ETV4: variants seen among roughly 807,000 people sequenced by gnomAD.
The protein encoded by ETV4 is ETS translocation variant 4.
ETV4 carries 42 observed loss-of-function variants against 65.9 expected under a neutral mutation model. The observed-to-expected ratio is 0.64, with a 90% confidence interval of 0.50 to 0.82. The LOEUF is 0.82. Ranked by LOEUF, ETV4 falls within the 40% of genes least tolerant of loss-of-function variation. The pLI is 0.00. For missense variants in ETV4, 583 were observed against 630.3 expected (o/e 0.92, Z 0.80); for synonymous variants, 238 against 260.0 (o/e 0.92, Z 0.81).
chr17:43,539,552 C>T (rs1465956174), intron 4 of ETV4, among the ~76,000 whole-genome samples: 1 of 152,188 alleles, frequency 6.6e-6, no homozygotes, highest in Non-Finnish European at 1.5e-5. Flanking sequence ...TCTTTTTTGT[C>T]ATCTGATGCC....
At position 43,532,930 on chromosome 17, in the gene ETV4, G is replaced by C; in HGVS notation, c.555C>G (p.Phe185Leu). The change falls in exon 8 of 13, where the codon TTC becomes TTG. Residue 185 changes from phenylalanine to leucine, a missense_variant. By Grantham distance (22) the Phe-to-Leu change is conservative. Transcript: ENST00000319349. The part of the protein sequence containing the change: ...HGYLGEHSSV[F>L]QQPLDICHSF... ...AGTGGCAAATGTCCAGGGGCTGCTG[G>C]AAGACGGAGCTGGATGTGGTTGGAT... 1 of 1,571,014 alleles carries C rather than the reference G, an allele frequency of 6.4e-7. No individual in the cohort carries two copies. The highest frequency in any genetic ancestry group is 8.6e-7 in the Non-Finnish European group (1 of 1,157,906).
intron 5 of ETV4, among the ~76,000 whole-genome samples, chr17:43,535,976 T>C (rs1971222104): frequency 6.6e-6 from 1 of 152,102 alleles, no homozygotes; most frequent in Non-Finnish European, 1.5e-5. Flanking sequence ...CTGGGTGTGG[T>C]TGTGCATGCC....
intron 5 of ETV4, among the ~76,000 whole-genome samples, chr17:43,534,218 A>G (rs1971113160): frequency 1.3e-5 from 2 of 152,314 alleles, no homozygotes; most frequent in East Asian, 3.9e-4. Context: ...TAAACCATCT[A>G]AAGTTCAACA....
At chr17:43,542,280 G>A (rs773580912) in intron 4 of ETV4, among the ~76,000 whole-genome samples, 13 of 152,058 alleles carry the variant, frequency 8.5e-5, no homozygotes, top group Non-Finnish European at 1.5e-4. Context: ...CAGTATCAGA[G>A]GGATCAAGGA....
intron 4 of ETV4, among the ~76,000 whole-genome samples, chr17:43,542,122 G>T (rs1383639978): frequency 1.3e-5 from 2 of 152,180 alleles, no homozygotes; most frequent in Non-Finnish European, 2.9e-5. Context: ...GGAGCCCTTG[G>T]AGGAGGGTTG....
intron 9 of ETV4, 62 bp from the exon 10 acceptor site, chr17:43,530,014 C>T (rs1422211357): frequency 6.2e-6 from 10 of 1,611,140 alleles, no homozygotes; most frequent in African/African-American, 1.3e-5. Flanking sequence ...CCCAGAGAGT[C>T]CAGAGGGACT....
At chr17:43,542,431 G>T (rs115314157) in intron 4 of ETV4, among the ~76,000 whole-genome samples, 3 of 152,206 alleles carry the variant, frequency 2.0e-5, no homozygotes, top group African/African-American at 7.2e-5. Context: ...CTCCTGACAA[G>T]CCTGGAAAGG....
intron 8 of ETV4, 178 bp from the exon 9 acceptor site, chr17:43,530,359 G>A: frequency 1.4e-6 from 2 of 1,459,534 alleles, no homozygotes; most frequent in Non-Finnish European, 1.8e-6. Context: ...CCCAGAGGGA[G>A]TGTGATGCTG....
chr17:43,542,585 C>A (rs1197697537), intron 4 of ETV4, among the ~76,000 whole-genome samples: 1 of 152,134 alleles, frequency 6.6e-6, no homozygotes, highest in Admixed American at 6.5e-5. Flanking sequence ...ATCAGACACG[C>A]CCTCCTAGCC....
chr17:43,541,353 C>T (rs1162988092), intron 4 of ETV4, among the ~76,000 whole-genome samples: 1 of 152,210 alleles, frequency 6.6e-6, no homozygotes, highest in East Asian at 1.9e-4. Flanking sequence ...GTTAACTTGG[C>T]TGAGTCTTGG....
At chr17:43,530,240 G>A in intron 8 of ETV4, 59 bp from the exon 9 acceptor site, 1 of 1,550,910 alleles carries the variant, frequency 6.4e-7, no homozygotes, top group Non-Finnish European at 8.7e-7. Context: ...GAGGGCAGGG[G>A]AGGAGGAAGT....
At chr17:43,543,276 ACT>A (rs60214474) in intron 4 of ETV4, among the ~76,000 whole-genome samples, 58 of 138,152 alleles carry the variant, frequency 4.2e-4, no homozygotes, top group South Asian at 7.3e-4. Context: ...ACACACACAC[ACT>A]CTCTCTCTCT....
chr17:43,543,276 A>ACACTCTCT (rs1555559953), intron 4 of ETV4, among the ~76,000 whole-genome samples: 10 of 138,258 alleles, frequency 7.2e-5, no homozygotes, highest in South Asian at 2.4e-4. Context: ...ACACACACAC[A>ACACTCTCT]CTCTCTCTCT....
At position 43,532,951 on chromosome 17, in the gene ETV4, T is replaced by C; in HGVS notation, c.546-12A>G. 1 of 1,553,224 alleles carries C rather than the reference T, an allele frequency of 6.4e-7. No individual in the cohort carries two copies. The highest frequency in any genetic ancestry group is 8.7e-7 in the Non-Finnish European group (1 of 1,149,974). On this transcript the variant is annotated splice_polypyrimidine_tract_variant and intron_variant, in intron 7 of 12. Coordinates refer to ENST00000319349, the MANE Select transcript of ETV4 (RefSeq NM_001079675.5). The stretch of plus-strand genomic sequence containing the variant: ...GCTGGAAGACGGAGCTGGATGTGGT[T>C]GGATGGAGAAGGAAGAGAAGAGAAC...
At chr17:43,541,788 C>A (rs1971537332) in intron 4 of ETV4, among the ~76,000 whole-genome samples, 1 of 152,132 alleles carries the variant, frequency 6.6e-6, no homozygotes, top group African/African-American at 2.4e-5. Flanking sequence ...TGGAAGGAAC[C>A]AGTTCACTAG....
intron 4 of ETV4, among the ~76,000 whole-genome samples, chr17:43,543,699 A>C (rs376989925): frequency 2.0e-5 from 3 of 152,330 alleles, no homozygotes; most frequent in Admixed American, 6.5e-5. Context: ...GGAGCTGGGC[A>C]TGCAGGACTT....
intron 4 of ETV4, among the ~76,000 whole-genome samples, chr17:43,537,180 AC>A (rs1261310694): frequency 6.6e-6 from 1 of 152,144 alleles, no homozygotes; most frequent in Non-Finnish European, 1.5e-5. Flanking sequence ...AGCCTGGCCA[AC>A]ATGACGAAAC....
intron 1 of ETV4, 140 bp from the exon 2 acceptor site, chr17:43,545,808 A>AG (rs1355076648): frequency 1.6e-6 from 1 of 608,482 alleles, no homozygotes; most frequent in Non-Finnish European, 2.9e-6. Context: ...TCCGCCTGCC[A>AG]GGCCGAGCGC....
In ETV4 at chr17:43,536,976, G is replaced by A. The variant is rs371442036; in HGVS notation, c.203-497C>T. On this transcript the variant is annotated intron_variant, in intron 4 of 12. Transcript: ENST00000319349. ...CATTTTTCTGAAGTGAAACAGCCTC[G>A]CCCCTCAGAGTTTACAAAACTCCCT... 6.6e-5 allele frequency among the ~76,000 whole-genome samples: 10 copies of A among 152,192 alleles called. No individual in the cohort carries two copies. In the East Asian group the frequency reaches 7.7e-4, roughly 12 times the overall value.
Sources: gnomAD v4.1 joint callset for allele counts (sites outside exome capture counted in the v4.1 genomes callset) on GRCh38, gnomAD v4.1.1 for gene constraint, MANE v1.5 for transcripts, NCBI Gene and HGNC (gene_info 2026-07-23, HGNC 2026-07-21) for gene names.